Variants in ZNF592 observed in about 807,000 individuals in gnomAD.
ZNF592 encodes the protein spinocerebellar ataxia, autosomal recessive 5.
In ZNF592, 11 loss-of-function variants were observed where a neutral mutation model predicts 80.3. The ratio of observed to expected loss-of-function variants is 0.14; its 90% CI spans 0.09 to 0.23. The LOEUF is 0.23. ZNF592 is among the 10% of genes least tolerant of loss of function. ZNF592 has a pLI of 1.00. For missense variants in ZNF592, 1,420 were observed against 1,633.9 expected (o/e 0.87, Z 2.26); for synonymous variants, 646 against 640.3 (o/e 1.01, Z -0.13).
chr15:84,758,228 C>T (rs944299823), intron 1 of ZNF592, among the ~76,000 whole-genome samples: 16 of 151,982 alleles, frequency 1.1e-4, no homozygotes, highest in Non-Finnish European at 2.9e-5. Flanking sequence ...CCGCCTCGGC[C>T]TCCCAAAGTG....
At chr15:84,780,558 G>A (rs1962391005) in intron 3 of ZNF592, among the ~76,000 whole-genome samples, 1 of 152,078 alleles carries the variant, frequency 6.6e-6, no homozygotes, top group East Asian at 1.9e-4. Flanking sequence ...TTAGGTAATT[G>A]GTATTGTACT....
rs777225454 is a variant in ZNF592 at position 84,785,028 on chromosome 15, CT to C, written c.2220+134del. Reference sequence around the variant, plus strand: ...ATGAGTCTTAGAAGAGGATGTCTGCCTGAATATTTAGTGTTTGGTGTTTGTT... The same window carrying C: ...ATGAGTCTTAGAAGAGGATGTCTGCCGAATATTTAGTGTTTGGTGTTTGTT... On this transcript the variant is annotated intron_variant, in intron 4 of 10. Coordinates refer to ENST00000560079, the MANE Select transcript of ZNF592 (RefSeq NM_014630.3). 4.5e-6 allele frequency: 5 copies of C among 1,099,310 alleles called. No individual in the cohort carries two copies. In the East Asian group the frequency reaches 1.0e-4, roughly 22 times the overall value. 68.1% of individuals were successfully genotyped at this position (1,099,310 alleles called of 1,614,324 possible). A position where few individuals can be genotyped will look rare whatever the true frequency, so the allele number is the denominator to read the frequency against.
At chr15:84,780,174 A>G (rs1263705630) in intron 3 of ZNF592, among the ~76,000 whole-genome samples, 1 of 151,942 alleles carries the variant, frequency 6.6e-6, no homozygotes, top group Non-Finnish European at 1.5e-5. Flanking sequence ...TTTAGTAGAG[A>G]TGAGATTTCA....
At chr15:84,756,722 C>T (rs992659799) in intron 1 of ZNF592, among the ~76,000 whole-genome samples, 1 of 152,036 alleles carries the variant, frequency 6.6e-6, no homozygotes, top group African/African-American at 2.4e-5. Context: ...ATCTTTAGGC[C>T]CTTAAAAATA....
At chr15:84,790,924 G>A (rs1007789129) in intron 5 of ZNF592, 41 bp downstream of exon 5, 1 of 1,613,182 alleles carries the variant, frequency 6.2e-7, no homozygotes, top group Non-Finnish European at 8.5e-7. Context: ...TTGCCCAATG[G>A]CTGGTCCTTT....
At chr15:84,796,297 A>T (rs1567076467) in intron 5 of ZNF592, among the ~76,000 whole-genome samples, 9 of 118,288 alleles carry the variant, frequency 7.6e-5, no homozygotes, top group African/African-American at 2.9e-4. Flanking sequence ...ATATATATAA[A>T]AAAACGAAGG....
intron 3 of ZNF592, among the ~76,000 whole-genome samples, chr15:84,778,901 C>T (rs1962343213): frequency 1.3e-5 from 2 of 152,200 alleles, no homozygotes; most frequent in South Asian, 4.1e-4. Context: ...ATTTCTTTTC[C>T]TGGCCCATGA....
intron 2 of ZNF592, among the ~76,000 whole-genome samples, chr15:84,773,256 G>A (rs1330904771): frequency 6.8e-6 from 1 of 146,492 alleles, no homozygotes; most frequent in African/African-American, 2.5e-5. Flanking sequence ...CTGTCGGCCA[G>A]GCTGGAGTGC....
At chr15:84,795,496 G>T (rs1475967737) in intron 5 of ZNF592, among the ~76,000 whole-genome samples, 3 of 152,228 alleles carry the variant, frequency 2.0e-5, no homozygotes, top group Non-Finnish European at 4.4e-5. Context: ...ATACATAGAA[G>T]GAGTTTTCAG....
chr15:84,799,361 C>T lies in ZNF592; in HGVS notation c.3137+151C>T, dbSNP rs1379728079. On this transcript the variant is annotated intron_variant, in intron 9 of 10. Transcript: ENST00000560079. The surrounding 1 kb of genome is among the most constrained non-coding windows in gnomAD (Gnocchi z 4.2). ...AAGAAATTGCGGCTAAGTCAGAAAT[C>T]AGGGGCAGGTCAAAAATCAGCTTCC... is the stretch of plus-strand genomic sequence containing the variant. 1.1e-5 allele frequency: 9 copies of T among 854,374 alleles called. No individual in the cohort carries two copies. The highest frequency in any genetic ancestry group is 2.6e-5 in the East Asian group (1 of 38,038). The allele number at this position is 854,374 out of a possible 1,614,324, so 52.9% of individuals were successfully genotyped here. A position where few individuals can be genotyped will look rare whatever the true frequency, so the allele number is the denominator to read the frequency against.
rs1405882397 is a variant in ZNF592 at position 84,783,627 on chromosome 15, A to G, written c.952A>G (p.Ser318Gly). Residue 318 changes from serine to glycine, a missense_variant, in exon 4 of 11, where the codon AGT becomes GGT. Coordinates refer to ENST00000560079, the MANE Select transcript of ZNF592 (RefSeq NM_014630.3). This position sits in a 1 kb window ranked among gnomAD's most constrained non-coding sequence, Gnocchi z 5.0. Reference sequence around the variant, plus strand: ...GGATCTCTCAGGGCCCACTAAAGAGAGTTCTAAAGGTAGCCCCAAAATGCC... The same window carrying G: ...GGATCTCTCAGGGCCCACTAAAGAGGGTTCTAAAGGTAGCCCCAAAATGCC... ...TKDLSGPTKE[S>G]SKGSPKMPKS... 6.2e-7 allele frequency: 1 copy of G among 1,614,058 alleles called. No individual in the cohort carries two copies. The highest frequency in any genetic ancestry group is 1.3e-5 in the African/African-American group (1 of 74,912).
At chr15:84,788,626 G>A (rs193238381) in intron 4 of ZNF592, among the ~76,000 whole-genome samples, 73 of 152,246 alleles carry the variant, frequency 4.8e-4, no homozygotes, top group African/African-American at 1.7e-3. Context: ...CAGTTCAGTA[G>A]TGTTAATGTT....
In ZNF592 at chr15:84,805,942, AT is replaced by A. The variant is rs1200422656; in HGVS notation, c.*3550del. On this transcript the variant is annotated 3_prime_UTR_variant, in exon 11 of 11. Transcript: ENST00000560079. ...AGTTTATAAATATGTATATTTATAT[AT>A]CTATTTTTAATACAAATAGTAGAAT... 1 of 152,612 alleles carries A rather than the reference AT, an allele frequency of 6.6e-6. No homozygotes were observed. The highest frequency in any genetic ancestry group is 6.5e-5 in the Admixed American group (1 of 15,272). The allele number at this position is 152,612 out of a possible 1,614,324, so 9.5% of individuals were successfully genotyped here. A position where few individuals can be genotyped will look rare whatever the true frequency, so the allele number is the denominator to read the frequency against.
Position 84,783,908 on chromosome 15 carries a change from G to T in ZNF592, c.1233G>T (p.Gly411=). ...AGTCCCCTGTTGGGTCACCTCTAGG[G>T]AGCGCCATTGCAGAGGCCCCCAGCG... ...PSKSPVGSPL[G]SAIAEAPSEM... The change falls in exon 4 of 11, where the codon GGG becomes GGT. Residue 411 remains glycine (G), a synonymous_variant. Transcript: ENST00000560079. The surrounding 1 kb of genome is among the most constrained non-coding windows in gnomAD (Gnocchi z 5.0). 1 of 1,614,156 alleles carries T rather than the reference G, an allele frequency of 6.2e-7. No individual in the cohort carries two copies. The highest frequency in any genetic ancestry group is 8.5e-7 in the Non-Finnish European group (1 of 1,179,976).
intron 2 of ZNF592, among the ~76,000 whole-genome samples, chr15:84,774,449 T>C (rs1009559133): frequency 6.6e-6 from 1 of 152,232 alleles, no homozygotes; most frequent in South Asian, 2.1e-4. Context: ...TAATGGCTGG[T>C]CCTTGAGCAC....
At chr15:84,758,798 C>G (rs1328166781) in intron 1 of ZNF592, among the ~76,000 whole-genome samples, 1 of 151,606 alleles carries the variant, frequency 6.6e-6, no homozygotes, top group African/African-American at 2.4e-5. Flanking sequence ...GGCACAGACC[C>G]GTATTCAGTC....
intron 5 of ZNF592, among the ~76,000 whole-genome samples, chr15:84,791,101 G>T (rs2241644): frequency 2.0e-5 from 3 of 152,156 alleles, no homozygotes; most frequent in Non-Finnish European, 4.4e-5. Context: ...TTAAATATTA[G>T]AAAATTAGCT....
In ZNF592 at chr15:84,798,850, C is replaced by T. The variant is rs769668851; in HGVS notation, c.2999C>T (p.Ser1000Phe). The T allele has an allele frequency of 3.8e-6, 6 of 1,598,932 alleles. No individual in the cohort carries two copies. In the Admixed American group the frequency reaches 1.0e-4, roughly 27 times the overall value. Residue 1000 changes from serine (S) to phenylalanine (F), a missense_variant, in exon 8 of 11, where the codon TCC (serine) becomes TTC (phenylalanine). Around this residue, in one of 7 missense-constraint regions of ZNF592, gnomAD observed 331 missense variants for 347.0 expected, o/e 0.95. Coordinates refer to ENST00000560079, the MANE Select transcript of ZNF592 (RefSeq NM_014630.3). The surrounding 1 kb of genome is among the most constrained non-coding windows in gnomAD (Gnocchi z 4.5). The part of the protein sequence containing the change: ...EWVPDRESYV[S>F]HMKKSHGRTL... ...GTTCCAGATCGGGAGAGCTACGTGT[C>T]CCACATGAAAAAGAGCCACGGTCGG...
chr15:84,756,753 A>G (rs1899182857), intron 1 of ZNF592, among the ~76,000 whole-genome samples: 1 of 152,168 alleles, frequency 6.6e-6, no homozygotes. Flanking sequence ...TTTTTAAGAG[A>G]TAGGAGTCTT....
Sources: allele counts gnomAD v4.1 joint callset (sites outside exome capture counted in the v4.1 genomes callset), GRCh38; gene constraint gnomAD v4.1.1; regional missense constraint gnomAD v4.1.1; non-coding constraint Gnocchi (gnomAD v3.1); transcripts MANE v1.5; gene names NCBI Gene and HGNC (gene_info 2026-07-23, HGNC 2026-07-21).